HECW2: variants seen among roughly 807,000 people sequenced by gnomAD.
HECW2 encodes E3 ubiquitin-protein ligase HECW2.
A neutral mutation model predicts 175.2 loss-of-function variants in HECW2; 61 were observed. The ratio of observed to expected loss-of-function variants is 0.35; its 90% CI spans 0.28 to 0.43. The LOEUF is 0.43. Ranked by LOEUF, HECW2 falls within the 20% of genes least tolerant of loss-of-function variation. The probability of loss-of-function intolerance (pLI) is 1.00; values close to 1 mark genes in which losing one functional copy is unlikely to be tolerated. For missense variants in HECW2, 1,524 were observed against 2,000.5 expected (o/e 0.76, Z 4.54); for synonymous variants, 671 against 731.0 (o/e 0.92, Z 1.32).
At chr2:196,251,054 T>C (rs1301778426) in intron 19 of HECW2, among the ~76,000 whole-genome samples, 1 of 152,122 alleles carries the variant, frequency 6.6e-6, no homozygotes, top group Non-Finnish European at 1.5e-5. Flanking sequence ...CCTATCCCCC[T>C]TTTGAGACAG....
At chr2:196,569,704 T>C (rs116718684) in intron 1 of HECW2, among the ~76,000 whole-genome samples, 30 of 152,342 alleles carry the variant, frequency 2.0e-4, no homozygotes, top group Non-Finnish European at 4.3e-4. Context: ...TACCAGGATG[T>C]AGGATAAATT....
chr2:196,517,709 G>C (rs940306736), intron 1 of HECW2, among the ~76,000 whole-genome samples: 3 of 152,164 alleles, frequency 2.0e-5, no homozygotes, highest in Non-Finnish European at 4.4e-5. Context: ...TAAAAAGTGA[G>C]TAAATAGAAC....
chr2:196,237,933 C>A (rs1162818883), intron 21 of HECW2, among the ~76,000 whole-genome samples: 1 of 152,172 alleles, frequency 6.6e-6, no homozygotes, highest in African/African-American at 2.4e-5. Context: ...TCTCTAAAAA[C>A]CTTGATTCTT....
At chr2:196,425,336 G>A (rs999480232) in intron 2 of HECW2, among the ~76,000 whole-genome samples, 2 of 151,918 alleles carry the variant, frequency 1.3e-5, no homozygotes, top group Admixed American at 6.6e-5. Context: ...GTAGCCCATG[G>A]GCCAAGGAGT....
chr2:196,275,904 A>G (rs543880226), intron 15 of HECW2, among the ~76,000 whole-genome samples: 1 of 152,312 alleles, frequency 6.6e-6, no homozygotes, highest in African/African-American at 2.4e-5. Context: ...TGCTGAAGGA[A>G]TATAAGACAG....
intron 24 of HECW2, 125 bp from the exon 25 acceptor site, chr2:196,221,066 G>T: frequency 1.0e-6 from 1 of 994,200 alleles, no homozygotes; most frequent in Non-Finnish European, 1.5e-6. Context: ...CATCCCACAA[G>T]CTGGCAGTGA....
intron 2 of HECW2, among the ~76,000 whole-genome samples, chr2:196,382,190 ATGTGTGTGTGTATATACATATAGTATG>A (rs1559078783): frequency 6.9e-6 from 1 of 144,938 alleles, no homozygotes; most frequent in East Asian, 2.0e-4. Context: ...ATGTATGTAT[ATGTGTGTGTGTATATACATATAGTATG>A]TGTGTGTGTG....
At chr2:196,326,993 T>C (rs1409145687) in intron 5 of HECW2, among the ~76,000 whole-genome samples, 2 of 152,238 alleles carry the variant, frequency 1.3e-5, no homozygotes, top group South Asian at 2.1e-4. Flanking sequence ...GAAAATGCAA[T>C]TGCCACATTC....
intron 1 of HECW2, chr2:196,586,687 C>T (rs539472884): frequency 1.9e-4 from 15 of 77,486 alleles, no homozygotes; most frequent in Middle Eastern, 4.9e-3. Context: ...GAGCCCAGTA[C>T]CCTGTCAGTT....
chr2:196,324,180 T>C (rs565624361), intron 6 of HECW2, among the ~76,000 whole-genome samples: 60 of 152,330 alleles, frequency 3.9e-4, no homozygotes, highest in African/African-American at 1.4e-3. Context: ...TCTAATTAAC[T>C]GTGTAACTCC....
At chr2:196,359,999 G>T (rs768785734) in intron 2 of HECW2, among the ~76,000 whole-genome samples, 1 of 152,146 alleles carries the variant, frequency 6.6e-6, no homozygotes, top group African/African-American at 2.4e-5. Context: ...AGCTACTCAG[G>T]ATGCTGAGGC....
intron 10 of HECW2, 147 bp downstream of exon 10, chr2:196,317,127 G>A (rs1047096717): frequency 9.4e-6 from 6 of 637,622 alleles, no homozygotes; most frequent in Non-Finnish European, 1.4e-5. Context: ...GCACGTCCCG[G>A]ACTACACCTG....
At chr2:196,351,582 A>C (rs571521531) in intron 2 of HECW2, among the ~76,000 whole-genome samples, 1 of 152,220 alleles carries the variant, frequency 6.6e-6, no homozygotes, top group African/African-American at 2.4e-5. Flanking sequence ...TTTGAGAAAG[A>C]TGCCATGTGA....
intron 18 of HECW2, among the ~76,000 whole-genome samples, chr2:196,255,636 A>G (rs570585410): frequency 1.3e-5 from 2 of 152,224 alleles, no homozygotes; most frequent in Non-Finnish European, 2.9e-5. Context: ...TGATAAGTCA[A>G]TTTGTACCAG....
chr2:196,303,084 T>C (rs902202903), intron 13 of HECW2, among the ~76,000 whole-genome samples: 1 of 152,208 alleles, frequency 6.6e-6, no homozygotes, highest in African/African-American at 2.4e-5. Flanking sequence ...TTGAGGTATG[T>C]TCCTTCAATA....
intron 1 of HECW2, among the ~76,000 whole-genome samples, chr2:196,440,687 GAC>G (rs1002403374): frequency 1.8e-4 from 28 of 152,080 alleles, no homozygotes; most frequent in African/African-American, 6.8e-4. Flanking sequence ...CAATAAGAAA[GAC>G]ACATTTTCTT....
intron 2 of HECW2, among the ~76,000 whole-genome samples, chr2:196,425,784 T>C (rs1695529318): frequency 6.6e-6 from 1 of 152,068 alleles, no homozygotes; most frequent in African/African-American, 2.4e-5. Flanking sequence ...TTGTTAAAAT[T>C]ACAACAACAA....
chr2:196,542,363 A>G (rs1412410529), intron 1 of HECW2, among the ~76,000 whole-genome samples: 1 of 152,126 alleles, frequency 6.6e-6, no homozygotes, highest in African/African-American at 2.4e-5. Flanking sequence ...CACTGGACAT[A>G]GAGAAAGGCA....
rs374344890 is a variant in HECW2, at chr2:196,571,649, C to T, written c.-36+21859G>A. 2.6e-5 allele frequency among the ~76,000 whole-genome samples: 4 copies of T among 151,718 alleles called. 1 individual carries two copies. The East Asian group carries it at 5.8e-4, about 22-fold the overall frequency. ...ATGGGAAGCGGAGGTTGCAGTGAGC[C>T]GAGATCATGCTACTGCACTCCGGCC... On this transcript the variant is annotated intron_variant, in intron 1 of 28. Coordinates refer to ENST00000644978, the MANE Select transcript of HECW2 (RefSeq NM_001348768.2).
Sources: allele counts gnomAD v4.1 joint callset (sites outside exome capture counted in the v4.1 genomes callset), GRCh38; gene constraint gnomAD v4.1.1; transcripts MANE v1.5; gene names NCBI Gene and HGNC (gene_info 2026-07-23, HGNC 2026-07-21).